The following LRRC4C variants were observed in gnomAD, a reference collection of about 807,000 sequenced individuals.
LRRC4C encodes leucine rich repeat containing 4C.
In LRRC4C, 5 loss-of-function variants were observed where a neutral mutation model predicts 33.6. The observed-to-expected ratio is 0.15, with a 90% confidence interval of 0.08 to 0.31. The LOEUF (loss-of-function observed/expected upper bound fraction) is 0.31, where lower values mean the gene tolerates loss of function less well. Ranked by LOEUF, LRRC4C falls within the 10% of genes least tolerant of loss-of-function variation. The pLI is 1.00. For synonymous variants in LRRC4C, 329 were observed against 302.0 expected (o/e 1.09, Z -0.93); for missense variants, 560 against 796.7 (o/e 0.70, Z 3.58).
At chr11:41,108,237 G>A (rs1029899373) in intron 1 of LRRC4C, among the ~76,000 whole-genome samples, 1 of 151,968 alleles carries the variant, frequency 6.6e-6, no homozygotes, top group Non-Finnish European at 1.5e-5. Flanking sequence ...AACCATCAGA[G>A]CATACATGCA....
chr11:40,534,943 T>C (rs1003621593), intron 3 of LRRC4C, among the ~76,000 whole-genome samples: 1 of 152,192 alleles, frequency 6.6e-6, no homozygotes, highest in Non-Finnish European at 1.5e-5. Context: ...GTATCTTTCC[T>C]AATGTCAGAG....
At chr11:40,425,916 A>G (rs1950694971) in intron 3 of LRRC4C, among the ~76,000 whole-genome samples, 1 of 152,034 alleles carries the variant, frequency 6.6e-6, no homozygotes, top group African/African-American at 2.4e-5. Context: ...CCACTTGTTT[A>G]TTCACTTGTT....
At chr11:41,259,258 C>T (rs1404866906) in intron 1 of LRRC4C, among the ~76,000 whole-genome samples, 1 of 152,008 alleles carries the variant, frequency 6.6e-6, no homozygotes, top group Non-Finnish European at 1.5e-5. Context: ...ATTTTCAAAT[C>T]TCTCTTCTAG....
At chr11:40,664,268 G>T (rs1943598406) in intron 2 of LRRC4C, among the ~76,000 whole-genome samples, 1 of 152,126 alleles carries the variant, frequency 6.6e-6, no homozygotes, top group African/African-American at 2.4e-5. Flanking sequence ...ATGTGGGCTG[G>T]ACATGGTGGC....
At chr11:40,553,271 AAAAAACAAAC>A (rs2135457635) in intron 3 of LRRC4C, among the ~76,000 whole-genome samples, 1 of 109,548 alleles carries the variant, frequency 9.1e-6, no homozygotes, top group South Asian at 3.1e-4. Context: ...GACTCTGTCT[AAAAAACAAAC>A]AAAAACAAAC....
chr11:40,243,670 A>AT (rs1866095019), intron 4 of LRRC4C, among the ~76,000 whole-genome samples: 1 of 149,668 alleles, frequency 6.7e-6, no homozygotes, highest in African/African-American at 2.4e-5. Context: ...TCCTAGACAT[A>AT]CGGAAAAAAC....
chr11:41,146,362 A>C (rs1943726874), intron 1 of LRRC4C, among the ~76,000 whole-genome samples: 1 of 152,196 alleles, frequency 6.6e-6, no homozygotes, highest in African/African-American at 2.4e-5. Context: ...TGGATGACAC[A>C]GGTTCATTCC....
intron 1 of LRRC4C, among the ~76,000 whole-genome samples, chr11:41,032,086 C>A (rs959040837): frequency 6.6e-6 from 1 of 151,972 alleles, no homozygotes; most frequent in East Asian, 1.9e-4. Context: ...GAAAAAATAA[C>A]CTGGGCATGT....
chr11:40,860,243 A>T (rs1362455924), intron 2 of LRRC4C, among the ~76,000 whole-genome samples: 1 of 152,144 alleles, frequency 6.6e-6, no homozygotes, highest in Admixed American at 6.6e-5. Context: ...GACAGACAGC[A>T]GATTGGTGTT....
intron 1 of LRRC4C, among the ~76,000 whole-genome samples, chr11:41,194,068 TAA>T (rs144959707): frequency 0.011 from 1,687 of 152,202 alleles, 25 homozygotes; most frequent in African/African-American, 0.039. Flanking sequence ...AAGACAAGGA[TAA>T]AGACCTTTAT....
intron 1 of LRRC4C, among the ~76,000 whole-genome samples, chr11:41,358,406 T>A (rs1952235924): frequency 6.6e-6 from 1 of 152,100 alleles, no homozygotes; most frequent in Non-Finnish European, 1.5e-5. Context: ...TATATTAGAC[T>A]TCATTAAAAT....
chr11:40,875,882 T>A (rs1954861185), intron 2 of LRRC4C, among the ~76,000 whole-genome samples: 1 of 152,050 alleles, frequency 6.6e-6, no homozygotes, highest in African/African-American at 2.4e-5. Flanking sequence ...GTAGAACCAG[T>A]GGGAGCCCTG....
intron 1 of LRRC4C, among the ~76,000 whole-genome samples, chr11:41,156,555 C>T (rs1042055807): frequency 1.3e-5 from 2 of 151,844 alleles, no homozygotes; most frequent in African/African-American, 4.8e-5. Flanking sequence ...GTGTGCTAGG[C>T]AGTATTGTAG....
chr11:40,399,561 A>G (rs553337576), intron 3 of LRRC4C, among the ~76,000 whole-genome samples: 67 of 152,128 alleles, frequency 4.4e-4, no homozygotes, highest in African/African-American at 1.5e-3. Flanking sequence ...GAGGGATAGC[A>G]TTAGGAGATA....
intron 1 of LRRC4C, among the ~76,000 whole-genome samples, chr11:41,039,551 C>T (rs894847115): frequency 2.0e-5 from 3 of 152,122 alleles, no homozygotes; most frequent in Non-Finnish European, 4.4e-5. Flanking sequence ...CAGAAATAGG[C>T]TATTAGGACA....
intron 1 of LRRC4C, among the ~76,000 whole-genome samples, chr11:41,449,808 A>G (rs958533382): frequency 2.0e-5 from 3 of 150,950 alleles, no homozygotes; most frequent in Non-Finnish European, 4.4e-5. Context: ...CTTTAAGTAG[A>G]TGTGGTCAGA....
intron 1 of LRRC4C, among the ~76,000 whole-genome samples, chr11:41,380,725 T>G (rs1565627792): frequency 6.6e-6 from 1 of 152,090 alleles, no homozygotes; most frequent in Non-Finnish European, 1.5e-5. Context: ...CCAAATCCAT[T>G]TAACTTGAGC....
intron 5 of LRRC4C, among the ~76,000 whole-genome samples, chr11:40,163,257 C>T (rs776834169): frequency 6.6e-6 from 1 of 152,008 alleles, no homozygotes; most frequent in Non-Finnish European, 1.5e-5. Flanking sequence ...TTAATACAGC[C>T]CAGAGAGAAA....
chr11:41,089,632 T>C (rs1021458416), intron 1 of LRRC4C, among the ~76,000 whole-genome samples: 1 of 152,114 alleles, frequency 6.6e-6, no homozygotes, highest in Non-Finnish European at 1.5e-5. Flanking sequence ...ATAACCTGAC[T>C]TGGTGTCAGT....
Sources: gnomAD v4.1 joint callset for allele counts (sites outside exome capture counted in the v4.1 genomes callset) on GRCh38, gnomAD v4.1.1 for gene constraint, MANE v1.5 for transcripts, NCBI Gene and HGNC (gene_info 2026-07-23, HGNC 2026-07-21) for gene names.